The following INCENP variants were observed in gnomAD, a reference collection of about 807,000 sequenced individuals.
The protein encoded by INCENP is inner centromere protein, also known as binds and activates aurora-B and -C in vivo and in vitro.
Under a neutral mutation model 107.3 loss-of-function variants are expected in INCENP, and 43 were observed. That is an observed-to-expected ratio of 0.40 (90% CI 0.31 to 0.52). The LOEUF is 0.52. Ranked by LOEUF, INCENP falls within the 20% of genes least tolerant of loss-of-function variation. The probability of loss-of-function intolerance (pLI) is 0.53; values close to 1 mark genes in which losing one functional copy is unlikely to be tolerated. For missense variants in INCENP, 1,089 were observed against 1,250.9 expected (o/e 0.87, Z 1.95); for synonymous variants, 488 against 494.4 (o/e 0.99, Z 0.17).
chr11:62,128,281 G>A lies in INCENP; in HGVS notation c.120G>A (p.Glu40=). The part of the protein sequence containing the change: ...DLVWLEEIQE[E]AERMFTREFS... The stretch of plus-strand genomic sequence containing the variant: ...TGTGGCTTGAGGAAATCCAAGAGGA[G>A]GCCGAGCGCATGTTCACCAGGTGAA... The change falls in exon 2 of 19, where the codon GAG becomes GAA. Residue 40 remains glutamate, a synonymous_variant. Coordinates refer to ENST00000394818, the MANE Select transcript of INCENP (RefSeq NM_001040694.2). The A allele has an allele frequency of 6.2e-7, 1 of 1,614,130 alleles. No individual in the cohort carries two copies.
At chr11:62,133,469 T>A (rs2134630406) in intron 4 of INCENP, among the ~76,000 whole-genome samples, 1 of 152,220 alleles carries the variant, frequency 6.6e-6, no homozygotes, top group East Asian at 1.9e-4. Context: ...AGTTCTGAAG[T>A]GGATAGGAAG....
intron 1 of INCENP, among the ~76,000 whole-genome samples, chr11:62,126,889 G>T (rs1943762491): frequency 6.6e-6 from 1 of 152,188 alleles, no homozygotes; most frequent in Non-Finnish European, 1.5e-5. Context: ...AGGGAAAAGA[G>T]TCTATACATG....
At chr11:62,138,235 GAC>G (rs1462964870) in intron 5 of INCENP, among the ~76,000 whole-genome samples, 1 of 152,160 alleles carries the variant, frequency 6.6e-6, no homozygotes, top group African/African-American at 2.4e-5. Flanking sequence ...TTCGGGCCAG[GAC>G]ACAGACTCCT....
At chr11:62,145,854 G>C (rs2134670587) in intron 14 of INCENP, 103 bp downstream of exon 14, 2 of 1,368,526 alleles carry the variant, frequency 1.5e-6, no homozygotes, top group Non-Finnish European at 2.0e-6. Flanking sequence ...GGTTGACCCA[G>C]ACCATCTTGT....
At chr11:62,138,453 T>C (rs946832334) in intron 5 of INCENP, among the ~76,000 whole-genome samples, 3 of 152,196 alleles carry the variant, frequency 2.0e-5, no homozygotes, top group African/African-American at 7.2e-5. Flanking sequence ...AGGACAGGGC[T>C]CACATCCTGA....
At chr11:62,151,268 C>G (rs565482273) in intron 18 of INCENP, among the ~76,000 whole-genome samples, 3 of 152,266 alleles carry the variant, frequency 2.0e-5, no homozygotes, top group African/African-American at 4.8e-5. Context: ...CTTCCTCAGC[C>G]CCGTTGTCAG....
At position 62,130,123 on chromosome 11, in the gene INCENP, C is replaced by G; in HGVS notation, c.596C>G (p.Thr199Ser). Residue 199 changes from threonine to serine, a missense_variant, in exon 4 of 19, where the codon ACT (threonine) becomes AGT (serine). By Grantham distance (58) the Thr-to-Ser change is moderately conservative. Transcript: ENST00000394818. ...TEPLPRTLSP[T>S]PASATAPTSQ... ...CCTCTGCCCCGCACTCTGTCCCCGA[C>G]TCCAGCTTCAGCCACAGCTCCAACC... The G allele has an allele frequency of 6.2e-7, 1 of 1,613,804 alleles. No homozygotes were observed. Among genetic ancestry groups the G allele is most frequent in the Non-Finnish European group, 8.5e-7 (1 of 1,180,026 alleles).
At position 62,146,751 on chromosome 11, in the gene INCENP, G is replaced by T; in HGVS notation, c.2053G>T (p.Ala685Ser). 5 of 1,544,252 alleles carry T rather than the reference G, an allele frequency of 3.2e-6. No homozygotes were observed. The highest frequency in any genetic ancestry group is 4.4e-6 in the Non-Finnish European group (5 of 1,145,796). The change falls in exon 15 of 19, where the codon GCA (alanine) becomes TCA (serine). Residue 685 changes from alanine (A) to serine (S), a missense_variant. Transcript: ENST00000394818. ...LRKAAEAKRL[A>S]EQREQERREQ... Reference sequence around the variant, plus strand: ...GAAGGCGGCCGAGGCTAAGCGGCTGGCAGAGCAGCGGGAGCAGGAGCGGCG... The same window carrying T: ...GAAGGCGGCCGAGGCTAAGCGGCTGTCAGAGCAGCGGGAGCAGGAGCGGCG...
chr11:62,149,946 C>A, intron 17 of INCENP, 111 bp from the exon 18 acceptor site: 1 of 1,070,500 alleles, frequency 9.3e-7, no homozygotes, highest in South Asian at 1.6e-5. Flanking sequence ...TGATCCTGCA[C>A]CTTTTGTTTC....
At chr11:62,140,850 G>T (rs780064082) in intron 9 of INCENP, 29 bp downstream of exon 9, 3 of 1,613,688 alleles carry the variant, frequency 1.9e-6, no homozygotes, top group East Asian at 2.2e-5. Context: ...CTCTCCTGGA[G>T]CCCTGACCCC....
At chr11:62,143,472 T>C (rs1944168975) in intron 11 of INCENP, among the ~76,000 whole-genome samples, 1 of 152,122 alleles carries the variant, frequency 6.6e-6, no homozygotes, top group Admixed American at 6.5e-5. Context: ...GGTTGGCTGG[T>C]GCTTCCAAGT....
At chr11:62,147,809 G>A (rs896067623) in intron 15 of INCENP, among the ~76,000 whole-genome samples, 12 of 152,192 alleles carry the variant, frequency 7.9e-5, no homozygotes, top group Non-Finnish European at 1.3e-4. Flanking sequence ...AAGGCGAGAA[G>A]GCGTAGGGTG....
chr11:62,150,614 A>T (rs1944353403), intron 18 of INCENP, among the ~76,000 whole-genome samples: 1 of 152,212 alleles, frequency 6.6e-6, no homozygotes, highest in South Asian at 2.1e-4. Flanking sequence ...CAGAACACCA[A>T]GCTGGAGCCT....
At chr11:62,145,884 G>T in intron 14 of INCENP, 133 bp downstream of exon 14, 2 of 1,204,682 alleles carry the variant, frequency 1.7e-6, no homozygotes, top group South Asian at 1.6e-5. Flanking sequence ...CTAAGAAGGA[G>T]GTTTCCCAGA....
intron 7 of INCENP, 70 bp from the exon 8 acceptor site, chr11:62,140,164 C>G: frequency 7.1e-7 from 1 of 1,404,404 alleles, no homozygotes; most frequent in South Asian, 1.2e-5. Context: ...ACCCCTTCCC[C>G]CTACACCCCC....
intron 4 of INCENP, 134 bp from the exon 5 acceptor site, chr11:62,137,698 G>T (rs1353308546): frequency 1.0e-5 from 8 of 773,062 alleles, no homozygotes; most frequent in Non-Finnish European, 1.8e-5. Flanking sequence ...AGGGTCCTGG[G>T]CATGGTGGGG....
intron 1 of INCENP, among the ~76,000 whole-genome samples, chr11:62,125,480 G>C (rs1335077264): frequency 6.6e-5 from 10 of 152,254 alleles, no homozygotes. Context: ...GAAGGGTTAG[G>C]GGAAGGTGAG....
intron 4 of INCENP, among the ~76,000 whole-genome samples, chr11:62,131,196 G>T (rs1943886553): frequency 6.6e-6 from 1 of 152,212 alleles, no homozygotes; most frequent in Non-Finnish European, 1.5e-5. Context: ...GCCGGCCTGG[G>T]TCTGAGTGCC....
In INCENP at chr11:62,140,193, C is replaced by G. The variant is rs753758134; in HGVS notation, c.1292-41C>G. 3 of 1,600,780 alleles carry G rather than the reference C, an allele frequency of 1.9e-6. No individual in the cohort carries two copies. In the South Asian group the frequency reaches 3.3e-5, roughly 18 times the overall value. The stretch of plus-strand genomic sequence containing the variant: ...CACCCCCATTCCCACCCTGCCGCCG[C>G]CATCGTTTCTGCAGCCTTGCTGAAA... On this transcript the variant is annotated intron_variant, in intron 7 of 18. Coordinates refer to ENST00000394818, the MANE Select transcript of INCENP (RefSeq NM_001040694.2).
Sources: allele counts gnomAD v4.1 joint callset (sites outside exome capture counted in the v4.1 genomes callset), GRCh38; gene constraint gnomAD v4.1.1; transcripts MANE v1.5; gene names NCBI Gene and HGNC (gene_info 2026-07-23, HGNC 2026-07-21).